Variants in NPHP4 observed in about 807,000 individuals in gnomAD.
NPHP4 encodes the protein nephrocystin 4.
In NPHP4, 151 loss-of-function variants were observed where a neutral mutation model predicts 155.8. That is an observed-to-expected ratio of 0.97 (90% CI 0.85 to 1.11). The LOEUF (loss-of-function observed/expected upper bound fraction) is 1.11, where lower values mean the gene tolerates loss of function less well. Among genes scored for constraint, NPHP4 ranks in the 50% least tolerant of loss-of-function variants. NPHP4 has a pLI of 0.00. For missense variants in NPHP4, 1,956 were observed against 1,925.7 expected (o/e 1.02, Z -0.29); for synonymous variants, 845 against 816.8 (o/e 1.03, Z -0.59).
intron 11 of NPHP4, among the ~76,000 whole-genome samples, chr1:5,917,779 C>T (rs944627592): frequency 3.3e-5 from 5 of 152,102 alleles, no homozygotes; most frequent in African/African-American, 1.2e-4. Flanking sequence ...TCCAGGCATA[C>T]GATGAGTCAG....
At chr1:5,954,744 C>A (rs1395427005) in intron 6 of NPHP4, among the ~76,000 whole-genome samples, 3 of 152,138 alleles carry the variant, frequency 2.0e-5, no homozygotes, top group Admixed American at 6.5e-5. Context: ...TATGAAACTA[C>A]TAGAAGAAAA....
intron 9 of NPHP4, among the ~76,000 whole-genome samples, chr1:5,940,178 G>C (rs1461583711): frequency 6.6e-6 from 1 of 152,216 alleles, no homozygotes; most frequent in Non-Finnish European, 1.5e-5. Context: ...GGAGCCTCAT[G>C]AGAGGTGGTG....
intron 17 of NPHP4, chr1:5,888,468 T>C (rs1346320508): frequency 8.2e-7 from 1 of 1,213,332 alleles, no homozygotes; most frequent in East Asian, 5.9e-5. Flanking sequence ...ACCTGACCCT[T>C]CCCTTGTGGG....
intron 5 of NPHP4, 104 bp downstream of exon 5, chr1:5,967,195 T>C (rs530545168): frequency 1.0e-5 from 9 of 873,606 alleles, no homozygotes; most frequent in African/African-American, 8.4e-5. Context: ...GCTAAGCAGA[T>C]AGCAGTTTAC....
chr1:5,942,396 T>C (rs1646863465), intron 9 of NPHP4, among the ~76,000 whole-genome samples: 1 of 151,506 alleles, frequency 6.6e-6, no homozygotes, highest in African/African-American at 2.4e-5. Context: ...CCGGGCGTGG[T>C]GGCAGGCACC....
intron 11 of NPHP4, among the ~76,000 whole-genome samples, chr1:5,921,355 C>T (rs1320241278): frequency 2.0e-5 from 3 of 152,198 alleles, no homozygotes; most frequent in East Asian, 3.9e-4. Context: ...CTCTAACAGT[C>T]GTCTGGAAAT....
chr1:5,913,924 G>C (rs566075109), intron 11 of NPHP4, among the ~76,000 whole-genome samples: 6 of 152,214 alleles, frequency 3.9e-5, no homozygotes, highest in African/African-American at 9.6e-5. Flanking sequence ...TAACATCACA[G>C]CCCAGAACAG....
chr1:5,891,091 G>C, intron 16 of NPHP4, 63 bp from the exon 17 acceptor site: 2 of 1,265,766 alleles, frequency 1.6e-6, no homozygotes, highest in Non-Finnish European at 1.1e-6. Flanking sequence ...TTTACACTTG[G>C]AAGAGATTTC....
chr1:5,866,483 C>T (rs1641242973), intron 25 of NPHP4, 25 bp from the exon 26 acceptor site: 10 of 1,419,222 alleles, frequency 7.0e-6, no homozygotes, highest in Non-Finnish European at 8.9e-6. Flanking sequence ...TGCAGCACAT[C>T]AGGGCACACA....
At position 5,873,266 on chromosome 1, in the gene NPHP4, T is replaced by A. The variant is rs372569755; in HGVS notation, c.3301A>T (p.Thr1101Ser). 1.9e-6 allele frequency: 3 copies of A among 1,613,746 alleles called. No homozygotes were observed. Among genetic ancestry groups the A allele is most frequent in the Non-Finnish European group, 2.5e-6 (3 of 1,179,658 alleles). ...VSPWKSSAVPTKHAKVLFRAS... is the reference protein window; with the variant it reads ...VSPWKSSAVPSKHAKVLFRAS... ...TGCCCCTTTACCTTGGCGTGTTTAG[T>A]GGGCACTGCGCTGGACTTCCAAGGT... The change falls in exon 23 of 30, where the codon ACT (threonine) becomes TCT (serine). Residue 1101 changes from threonine (T) to serine (S), a missense_variant. Transcript: ENST00000378156.
At chr1:5,977,303 C>T (rs558041952) in intron 3 of NPHP4, among the ~76,000 whole-genome samples, 1 of 152,190 alleles carries the variant, frequency 6.6e-6, no homozygotes, top group South Asian at 2.1e-4. Flanking sequence ...GCTCTCCTCT[C>T]GTCCTAACAC....
At chr1:5,982,413 T>C (rs112671841) in intron 2 of NPHP4, among the ~76,000 whole-genome samples, 2 of 152,232 alleles carry the variant, frequency 1.3e-5, no homozygotes, top group East Asian at 3.8e-4. Flanking sequence ...GGAGCCTAGG[T>C]GTGAGGCAGG....
chr1:5,952,357 T>A (rs1177528985), intron 7 of NPHP4, among the ~76,000 whole-genome samples: 1 of 152,228 alleles, frequency 6.6e-6, no homozygotes, highest in Non-Finnish European at 1.5e-5. Flanking sequence ...TCTACCAGAA[T>A]TAACTTTAGT....
intron 16 of NPHP4, among the ~76,000 whole-genome samples, chr1:5,899,572 T>C (rs1644569979): frequency 6.6e-6 from 1 of 152,222 alleles, no homozygotes; most frequent in Admixed American, 6.5e-5. Flanking sequence ...GTTACGCAGG[T>C]GTGTTCACTT....
chr1:5,875,212 GCATCGCCACCAC>G lies in NPHP4; in HGVS notation c.2818-124_2818-113del. 6.0e-6 allele frequency: 5 copies of G among 835,396 alleles called. No homozygotes were observed. The Admixed American group carries it at 1.0e-4, about 17-fold the overall frequency. 51.7% of individuals were successfully genotyped at this position (835,396 alleles called of 1,614,324 possible). ...CTCAGAAGAGGACATTTCTCCACAA[GCATCGCCACCAC>G]CACCCCCTTCCTTGACCATGTGGTC... On this transcript the variant is annotated intron_variant, in intron 20 of 29. Transcript: ENST00000378156.
chr1:5,883,411 T>G (rs1039897992), intron 18 of NPHP4, among the ~76,000 whole-genome samples: 1 of 152,218 alleles, frequency 6.6e-6, no homozygotes, highest in African/African-American at 2.4e-5. Context: ...GGGGAGAAAG[T>G]GCCACCAGCC....
Position 5,961,906 on chromosome 1 carries a change from G to A in NPHP4, c.561C>T (p.Tyr187=). 6.2e-7 allele frequency: 1 copy of A among 1,612,912 alleles called. No individual in the cohort carries two copies. The highest frequency in any genetic ancestry group is 8.5e-7 in the Non-Finnish European group (1 of 1,178,974). ...CCAGGGCCGGGTGTGGCTTCAGCGT[G>A]TACTGCAGGCTGCAGTTCTCAATGA... ...MTLIENCSLQ[Y]TLKPHPALEP... Residue 187 remains tyrosine (Y), a synonymous_variant, in exon 6 of 30, where the codon TAC becomes TAT. Transcript: ENST00000378156.
At chr1:5,986,446 C>G in intron 1 of NPHP4, 119 bp from the exon 2 acceptor site, 2 of 774,546 alleles carry the variant, frequency 2.6e-6, no homozygotes. Flanking sequence ...CAAACCCACA[C>G]TCTGCAAACC....
At chr1:5,887,194 C>T in intron 18 of NPHP4, 92 bp downstream of exon 18, 1 of 1,230,508 alleles carries the variant, frequency 8.1e-7, no homozygotes, top group South Asian at 1.5e-5. Context: ...GCCCGTGAAG[C>T]CCATGATGTG....
Sources: allele counts gnomAD v4.1 joint callset (sites outside exome capture counted in the v4.1 genomes callset), GRCh38; gene constraint gnomAD v4.1.1; transcripts MANE v1.5; gene names NCBI Gene and HGNC (gene_info 2026-07-23, HGNC 2026-07-21).